The following GTF2F2 variants were observed in gnomAD, a reference collection of about 807,000 sequenced individuals.
The protein encoded by GTF2F2 is ATP-dependent helicase GTF2F2.
GTF2F2 carries 23 observed loss-of-function variants against 42.2 expected under a neutral mutation model. The observed-to-expected ratio is 0.55, with a 90% CI of 0.39 to 0.77. GTF2F2 has a LOEUF of 0.77. Among genes scored for constraint, GTF2F2 ranks in the 30% least tolerant of loss-of-function variants. The pLI, the probability that GTF2F2 is intolerant of heterozygous loss-of-function variation, is 0.00. For missense variants in GTF2F2, 261 were observed against 287.2 expected, an observed-to-expected ratio of 0.91 and a Z score of 0.66; for synonymous variants, 105 against 100.8, an observed-to-expected ratio of 1.04 and a Z score of -0.25.
At chr13:45,232,062 C>T (rs1874710812) in intron 5 of GTF2F2, among the ~76,000 whole-genome samples, 1 of 152,076 alleles carries the variant, frequency 6.6e-6, no homozygotes, top group Non-Finnish European at 1.5e-5. Context: ...CATTGTATTC[C>T]ATTGGCACTT....
chr13:45,267,810 A>ATTTTTT (rs201281124), intron 7 of GTF2F2, among the ~76,000 whole-genome samples: 1 of 121,756 alleles, frequency 8.2e-6, no homozygotes, highest in Non-Finnish European at 1.8e-5. Flanking sequence ...TTTTCTGTGG[A>ATTTTTT]TTTTTTTTTT....
At chr13:45,122,001 A>C (rs1178450018) in intron 1 of GTF2F2, among the ~76,000 whole-genome samples, 1 of 152,146 alleles carries the variant, frequency 6.6e-6, no homozygotes, top group Non-Finnish European at 1.5e-5. Flanking sequence ...GTAAATGCTC[A>C]ATGTTTGTCT....
intron 4 of GTF2F2, among the ~76,000 whole-genome samples, chr13:45,187,205 C>G (rs1203583780): frequency 6.6e-6 from 1 of 152,058 alleles, no homozygotes; most frequent in South Asian, 2.1e-4. Flanking sequence ...GCCTGGGCAA[C>G]AAAGTGAGAC....
chr13:45,245,569 A>T (rs916367074), intron 5 of GTF2F2, among the ~76,000 whole-genome samples: 1 of 151,494 alleles, frequency 6.6e-6, no homozygotes, highest in African/African-American at 2.4e-5. Flanking sequence ...CATTCTTGAG[A>T]TACTTCACTT....
intron 4 of GTF2F2, chr13:45,206,572 T>C (rs1050858927): frequency 1.3e-5 from 2 of 152,236 alleles, no homozygotes; most frequent in Admixed American, 6.5e-5. Context: ...GAAATATGAC[T>C]GTTTCTAACC....
intron 4 of GTF2F2, among the ~76,000 whole-genome samples, chr13:45,152,978 C>T (rs1025942741): frequency 6.6e-6 from 1 of 151,344 alleles, no homozygotes; most frequent in Non-Finnish European, 1.5e-5. Context: ...ATGTTAAGAA[C>T]ACCATTGTTT....
intron 5 of GTF2F2, among the ~76,000 whole-genome samples, chr13:45,225,611 C>CA (rs35637992): frequency 0.17 from 11,170 of 65,072 alleles, 813 homozygotes; most frequent in East Asian, 0.33. Flanking sequence ...AGCTCTGTCT[C>CA]AAAAAAAAAA....
At chr13:45,261,699 C>T (rs1876351667) in intron 6 of GTF2F2, among the ~76,000 whole-genome samples, 1 of 152,116 alleles carries the variant, frequency 6.6e-6, no homozygotes, top group Non-Finnish European at 1.5e-5. Flanking sequence ...ATATCATTTC[C>T]TTACAGTGCC....
rs545397626 is a variant in GTF2F2, at chr13:45,240,555, G to T, written c.387-12316G>T. ...GAAAATTATAATTACTGGCCGGGCAGAGTGGCTCACACCTGTAATCCCAGC... is the reference window on the plus strand; with the variant it reads ...GAAAATTATAATTACTGGCCGGGCATAGTGGCTCACACCTGTAATCCCAGC... On this transcript the variant is annotated intron_variant, in intron 5 of 7. Transcript: ENST00000340473. Among the ~76,000 whole-genome samples, 21 of 152,284 alleles carry T rather than the reference G, an allele frequency of 1.4e-4. No homozygotes were observed. In the East Asian group the frequency reaches 2.7e-3, roughly 20 times the overall value.
chr13:45,127,938 CTTT>C (rs1161627204), intron 1 of GTF2F2, among the ~76,000 whole-genome samples: 83 of 48,574 alleles, frequency 1.7e-3, no homozygotes, highest in South Asian at 5.5e-3. Flanking sequence ...GCACCCCGGC[CTTT>C]TTTTTTTTTT....
intron 2 of GTF2F2, 38 bp downstream of exon 2, chr13:45,136,844 A>AT: frequency 9.2e-7 from 1 of 1,089,208 alleles, no homozygotes; most frequent in Non-Finnish European, 1.4e-6. Flanking sequence ...TTAAAAAGCT[A>AT]TTTTTGAAAT....
intron 7 of GTF2F2, among the ~76,000 whole-genome samples, chr13:45,277,413 C>T (rs1057163281): frequency 2.0e-4 from 31 of 152,054 alleles, no homozygotes; most frequent in Non-Finnish European, 3.4e-4. Context: ...CACTTTTAAA[C>T]GACTAGATGG....
At chr13:45,223,744 A>G (rs1804372355) in intron 5 of GTF2F2, among the ~76,000 whole-genome samples, 2 of 152,220 alleles carry the variant, frequency 1.3e-5, no homozygotes, top group South Asian at 2.1e-4. Context: ...AAATGACAGT[A>G]CTGTGCTATA....
intron 2 of GTF2F2, among the ~76,000 whole-genome samples, chr13:45,146,506 AAAC>A (rs942377944): frequency 3.3e-4 from 50 of 152,272 alleles, no homozygotes; most frequent in African/African-American, 1.1e-3. Flanking sequence ...CACAAAAAGA[AAAC>A]AAAACAAAAC....
At chr13:45,121,916 T>C (rs989160435) in intron 1 of GTF2F2, among the ~76,000 whole-genome samples, 4 of 152,006 alleles carry the variant, frequency 2.6e-5, no homozygotes, top group Non-Finnish European at 5.9e-5. Context: ...AAGGAGGAGA[T>C]TGCCCTTACG....
intron 4 of GTF2F2, among the ~76,000 whole-genome samples, chr13:45,176,308 A>G (rs1195425739): frequency 6.6e-6 from 1 of 152,026 alleles, no homozygotes; most frequent in African/African-American, 2.4e-5. Context: ...CTCCTCTCTA[A>G]TGATATTATA....
chr13:45,263,296 C>T (rs1022437495), intron 6 of GTF2F2, among the ~76,000 whole-genome samples: 5 of 151,570 alleles, frequency 3.3e-5, no homozygotes, highest in Admixed American at 1.3e-4. Context: ...GGCGCGATCT[C>T]GGCTCACTGC....
chr13:45,159,006 C>A (rs1051817757), intron 4 of GTF2F2, among the ~76,000 whole-genome samples: 1 of 152,176 alleles, frequency 6.6e-6, no homozygotes, highest in African/African-American at 2.4e-5. Context: ...ATATTCCTCA[C>A]TTTATTTTTT....
intron 4 of GTF2F2, among the ~76,000 whole-genome samples, chr13:45,153,414 T>C (rs1475975306): frequency 6.6e-6 from 1 of 152,154 alleles, no homozygotes; most frequent in African/African-American, 2.4e-5. Context: ...AACAGAATGG[T>C]AAATTATAAC....
Sources: allele counts gnomAD v4.1 joint callset (sites outside exome capture counted in the v4.1 genomes callset), GRCh38; gene constraint gnomAD v4.1.1; transcripts MANE v1.5; gene names NCBI Gene and HGNC (gene_info 2026-07-23, HGNC 2026-07-21).